Variants in MOCS2 observed in about 807,000 individuals in gnomAD.
The protein encoded by MOCS2 is molybdenum cofactor synthesis 2, also known as molybdopterin synthase catalytic subunit.
In MOCS2, 13 loss-of-function variants were observed where a neutral mutation model predicts 21.9. That is an observed-to-expected ratio of 0.59 (90% CI 0.39 to 0.94). The LOEUF is 0.94. Among genes scored for constraint, MOCS2 ranks in the 40% least tolerant of loss-of-function variants. The pLI, the probability that MOCS2 is intolerant of heterozygous loss-of-function variation, is 0.00. For synonymous variants in MOCS2, 92 were observed against 80.8 expected (o/e 1.14, Z -0.74); for missense variants, 227 against 218.3 (o/e 1.04, Z -0.25).
At chr5:53,102,017 C>T (rs1740923794) in intron 4 of MOCS2, 80 bp downstream of exon 4, 8 of 1,465,774 alleles carry the variant, frequency 5.5e-6, no homozygotes, top group South Asian at 2.3e-5. Context: ...CAAACTCCTC[C>T]GTTAACACTG....
In MOCS2 at chr5:53,101,430, T is replaced by C; in HGVS notation, c.306A>G (p.Glu102=). ...YEAYLPMAEN[E]VRKICSDIRQ... is the part of the protein sequence containing the mutation. ...TAATGTCACTACAAATCTTTCTGAC[T>C]TCATTTTCCGCCATGGGTAGATATG... Residue 102 remains glutamate (E), a synonymous_variant, in exon 5 of 7, where the codon GAA becomes GAG. Transcript: ENST00000396954. The C allele has an allele frequency of 1.2e-6, 2 of 1,613,834 alleles. No homozygotes were observed. Among genetic ancestry groups the C allele is most frequent in the Non-Finnish European group, 1.7e-6 (2 of 1,179,802 alleles).
In MOCS2 at chr5:53,100,387, A is replaced by C. The variant is rs1256949644; in HGVS notation, c.501+24T>G. On this transcript the variant is annotated intron_variant, in intron 6 of 6. Coordinates refer to ENST00000396954, the MANE Select transcript of MOCS2 (RefSeq NM_004531.5). ...TGAGAAAAATCAGGTCCACATGCTA[A>C]AATGTGTTATTTTCTTAACTTACCT... 5 of 1,613,384 alleles carry C rather than the reference A, an allele frequency of 3.1e-6. No individual in the cohort carries two copies. The Admixed American group carries it at 6.7e-5, about 22-fold the overall frequency.
intron 6 of MOCS2, among the ~76,000 whole-genome samples, chr5:53,099,866 C>A (rs553458833): frequency 1.3e-5 from 2 of 152,148 alleles, no homozygotes; most frequent in African/African-American, 4.8e-5. Context: ...GGGAGTTGGG[C>A]CTTTTCATCC....
intron 3 of MOCS2, among the ~76,000 whole-genome samples, chr5:53,106,340 C>A (rs1423790595): frequency 2.6e-5 from 4 of 152,206 alleles, no homozygotes; most frequent in African/African-American, 9.6e-5. Flanking sequence ...AAATGTGGTA[C>A]ATATACACCA....
rs1358647953 is a variant in MOCS2 at position 53,096,518 on chromosome 5, GT to G, written c.*2083del. The G allele has an allele frequency of 6.6e-6, 1 of 152,126 alleles. No individual in the cohort carries two copies. The highest frequency in any genetic ancestry group is 2.4e-5 in the African/African-American group (1 of 41,406). The allele number at this position is 152,126 out of a possible 1,614,324, so 9.4% of individuals were successfully genotyped here. On this transcript the variant is annotated 3_prime_UTR_variant, in exon 7 of 7. Transcript: ENST00000396954. ...TTATTTTTTTTAGATTACTCTTCTA[GT>G]TACTTGAAGCTAAGTTACAGAGATG... is the stretch of plus-strand genomic sequence containing the variant.
At position 53,100,584 on chromosome 5, in the gene MOCS2, G is replaced by A. The variant is rs750909736; in HGVS notation, c.378-50C>T. ...AAATCACCATCATCTCTGAATCTACGTGTTAAAGAATCTGCTAGACAGATG... is the reference window on the plus strand; with the variant it reads ...AAATCACCATCATCTCTGAATCTACATGTTAAAGAATCTGCTAGACAGATG... On this transcript the variant is annotated intron_variant, in intron 5 of 6. Coordinates refer to ENST00000396954, the MANE Select transcript of MOCS2 (RefSeq NM_004531.5). 5.0e-6 allele frequency: 8 copies of A among 1,601,582 alleles called. No individual in the cohort carries two copies. The Admixed American group carries it at 8.5e-5, about 17-fold the overall frequency.
intron 6 of MOCS2, 46 bp downstream of exon 6, chr5:53,100,364 AG>A (rs1290650168): frequency 1.9e-6 from 3 of 1,610,718 alleles, no homozygotes; most frequent in Non-Finnish European, 2.5e-6. Context: ...AAAATTCCTG[AG>A]AAAAATCAGG....
Position 53,100,442 on chromosome 5 carries a change from G to GT in MOCS2, c.469dup (p.Thr157AsnfsTer55), listed in dbSNP as rs774200289. Reference sequence around the variant, plus strand: ...CCATATGGGCACCTTGGCTTTTAAAGTATCAATGGCATAGCTCACAGCTTC... The same window carrying GT: ...CCATATGGGCACCTTGGCTTTTAAAGTTATCAATGGCATAGCTCACAGCTTC... On this transcript the variant is annotated frameshift_variant, in exon 6 of 7. Coordinates refer to ENST00000396954, the MANE Select transcript of MOCS2 (RefSeq NM_004531.5). LOFTEE classifies it high-confidence loss of function. 1.2e-6 allele frequency: 2 copies of GT among 1,613,838 alleles called. No homozygotes were observed. The highest frequency in any genetic ancestry group is 4.5e-5 in the East Asian group (2 of 44,864).
intron 3 of MOCS2, among the ~76,000 whole-genome samples, chr5:53,105,116 A>T (rs192615526): frequency 6.6e-6 from 1 of 152,262 alleles, no homozygotes; most frequent in Non-Finnish European, 1.5e-5. Context: ...CTGGGCAATG[A>T]TTAGCTCTCT....
intron 3 of MOCS2, among the ~76,000 whole-genome samples, chr5:53,103,798 G>A (rs1431358450): frequency 1.3e-5 from 2 of 152,190 alleles, no homozygotes; most frequent in African/African-American, 4.8e-5. Flanking sequence ...TTTCTCTCAA[G>A]AGCCTCTATG....
rs1446839042 is a variant in MOCS2, at chr5:53,096,203, T to TA, written c.*2398dup. On this transcript the variant is annotated 3_prime_UTR_variant, in exon 7 of 7. Transcript: ENST00000396954. ...CTGTACCAGGTGCTCAGTAACTGTGTAAGATGTCTAAATCACTTATTTCTC... is the reference window on the plus strand; with the variant it reads ...CTGTACCAGGTGCTCAGTAACTGTGTAAAGATGTCTAAATCACTTATTTCTC... 6.6e-6 allele frequency: 1 copy of TA among 152,208 alleles called. No individual in the cohort carries two copies. The highest frequency in any genetic ancestry group is 1.5e-5 in the Non-Finnish European group (1 of 68,026). The allele number at this position is 152,208 out of a possible 1,614,324, so 9.4% of individuals were successfully genotyped here.
In MOCS2 at chr5:53,108,632, C is replaced by A. The variant is rs1314847100; in HGVS notation, c.-158G>T. 5.0e-6 allele frequency: 8 copies of A among 1,613,018 alleles called. No individual in the cohort carries two copies. The African/African-American group carries it at 8.0e-5, about 16-fold the overall frequency. On this transcript the variant is annotated 5_prime_UTR_variant, in exon 2 of 7. Coordinates refer to ENST00000396954, the MANE Select transcript of MOCS2 (RefSeq NM_004531.5). Reference sequence around the variant, plus strand: ...TTATTTCAGCACTTTTTGCAAAATACAATACTTCAACCTGAAAGTAAAGAA... The same window carrying A: ...TTATTTCAGCACTTTTTGCAAAATAAAATACTTCAACCTGAAAGTAAAGAA...
intron 2 of MOCS2, chr5:53,107,644 G>C (rs569159670): frequency 1.2e-5 from 2 of 163,030 alleles, no homozygotes; most frequent in African/African-American, 4.8e-5. Context: ...TATGGATTAA[G>C]TTGCTTAGAA....
intron 4 of MOCS2, 122 bp from the exon 5 acceptor site, chr5:53,101,631 T>C (rs902904860): frequency 1.2e-5 from 9 of 749,188 alleles, no homozygotes; most frequent in Admixed American, 2.7e-5. Context: ...ACAAGCAGCA[T>C]ACCAATTCTT....
In MOCS2 at chr5:53,107,099, C is replaced by G; in HGVS notation, c.76G>C (p.Asp26His). Residue 26 changes from aspartate to histidine, a missense_variant, in exon 3 of 7, where the codon GAT becomes CAT. By Grantham distance (81) the Asp-to-His change is moderately conservative. Transcript: ENST00000396954. Reference protein sequence around the residue: ...KLPLSPPLVEDSAFEPSRKDM... With the variant: ...KLPLSPPLVEHSAFEPSRKDM... Reference sequence around the variant, plus strand: ...TACCTAGATGGCTCAAAAGCACTATCCTCCACTAATGGGGGGGATAACGGC... The same window carrying G: ...TACCTAGATGGCTCAAAAGCACTATGCTCCACTAATGGGGGGGATAACGGC... 6.2e-7 allele frequency: 1 copy of G among 1,614,122 alleles called. No homozygotes were observed. The highest frequency in any genetic ancestry group is 1.1e-5 in the South Asian group (1 of 91,078).
chr5:53,109,549 G>T lies in MOCS2; in HGVS notation c.-468C>A. 1 of 1,390,898 alleles carries T rather than the reference G, an allele frequency of 7.2e-7. No individual in the cohort carries two copies. Among genetic ancestry groups the T allele is most frequent in the Non-Finnish European group, 9.3e-7 (1 of 1,071,524 alleles). The allele number at this position is 1,390,898 out of a possible 1,614,324, so 86.2% of individuals were successfully genotyped here. Reference sequence around the variant, plus strand: ...TAAAGCCCGGAGACAGGAAGGGCCCGGGGGCGGGGGCGGGGGCGCCCCCGA... The same window carrying T: ...TAAAGCCCGGAGACAGGAAGGGCCCTGGGGCGGGGGCGGGGGCGCCCCCGA... On this transcript the variant is annotated 5_prime_UTR_variant, in exon 1 of 7. Transcript: ENST00000396954.
At position 53,096,955 on chromosome 5, in the gene MOCS2, C is replaced by G. The variant is rs1740754297; in HGVS notation, c.*1647G>C. 1 of 152,142 alleles carries G rather than the reference C, an allele frequency of 6.6e-6. No individual in the cohort carries two copies. Among genetic ancestry groups the G allele is most frequent in the Admixed American group, 6.6e-5 (1 of 15,262 alleles). 9.4% of individuals were successfully genotyped at this position (152,142 alleles called of 1,614,324 possible). A position where few individuals can be genotyped will look rare whatever the true frequency, so the allele number is the denominator to read the frequency against. The stretch of plus-strand genomic sequence containing the variant: ...TAACATCCATTTAACAACCTATGTC[C>G]AAAATCCTAGAAATGTCCAGTGACC... On this transcript the variant is annotated 3_prime_UTR_variant, in exon 7 of 7. Transcript: ENST00000396954.
intron 3 of MOCS2, among the ~76,000 whole-genome samples, chr5:53,105,521 T>C (rs1741027584): frequency 6.6e-6 from 1 of 152,208 alleles, no homozygotes; most frequent in Non-Finnish European, 1.5e-5. Flanking sequence ...TGGCTAGCCA[T>C]GTGCAGAAGA....
intron 6 of MOCS2, among the ~76,000 whole-genome samples, chr5:53,099,774 C>T (rs1223965659): frequency 6.6e-6 from 1 of 151,830 alleles, no homozygotes; most frequent in Non-Finnish European, 1.5e-5. Flanking sequence ...ACGCTGTAGG[C>T]AATTCTAGAC....
Sources: gnomAD v4.1 joint callset for allele counts (sites outside exome capture counted in the v4.1 genomes callset) on GRCh38, gnomAD v4.1.1 for gene constraint, MANE v1.5 for transcripts, NCBI Gene and HGNC (gene_info 2026-07-23, HGNC 2026-07-21) for gene names.